The following CNTNAP4 variants were observed in gnomAD, a reference collection of about 807,000 sequenced individuals.
The protein encoded by CNTNAP4 is contactin associated protein family member 4.
Under a neutral mutation model 148.4 loss-of-function variants are expected in CNTNAP4, and 98 were observed. The ratio of observed to expected loss-of-function variants is 0.66; its 90% CI spans 0.56 to 0.78. CNTNAP4 has a LOEUF of 0.78. CNTNAP4 is among the 30% of genes least tolerant of loss of function. The pLI is 0.00. For missense variants in CNTNAP4, 1,935 were observed against 1,565.6 expected, an observed-to-expected ratio of 1.24 and a Z score of -3.98; for synonymous variants, 730 against 565.1, an observed-to-expected ratio of 1.29 and a Z score of -4.14.
At chr16:76,351,766 C>G (rs964495855) in intron 2 of CNTNAP4, among the ~76,000 whole-genome samples, 1 of 152,172 alleles carries the variant, frequency 6.6e-6, no homozygotes, top group African/African-American at 2.4e-5. Flanking sequence ...GTGAGCAGCG[C>G]TAGGAAGAGG....
intron 2 of CNTNAP4, among the ~76,000 whole-genome samples, chr16:76,317,991 G>A (rs1003455767): frequency 6.6e-5 from 10 of 152,000 alleles, no homozygotes; most frequent in African/African-American, 2.4e-4. Flanking sequence ...TTCTTTTTGA[G>A]TGACTTGCAG....
chr16:76,340,290 C>T (rs1232226325), intron 2 of CNTNAP4, among the ~76,000 whole-genome samples: 2 of 152,162 alleles, frequency 1.3e-5, no homozygotes, highest in African/African-American at 4.8e-5. Context: ...TATATGCTTA[C>T]CCAAATCCCA....
In CNTNAP4 at chr16:76,277,524, G is replaced by A; in HGVS notation, c.-139G>A. The A allele has an allele frequency of 1.6e-6, 1 of 607,756 alleles. No individual in the cohort carries two copies. Among genetic ancestry groups the A allele is most frequent in the Non-Finnish European group, 2.9e-6 (1 of 341,612 alleles). The allele number at this position is 607,756 out of a possible 1,614,324, so 37.6% of individuals were successfully genotyped here. On this transcript the variant is annotated 5_prime_UTR_variant, in exon 1 of 24. In the 5' UTR this introduces an upstream ATG that the reference lacks. Coordinates refer to ENST00000611870, the MANE Select transcript of CNTNAP4 (RefSeq NM_033401.5). Reference sequence around the variant, plus strand: ...AGGGAAGAAGAAAAGACGGAGGGAGGTGAGGAGGAAGGGAGGGGGAGAGAC... The same window carrying A: ...AGGGAAGAAGAAAAGACGGAGGGAGATGAGGAGGAAGGGAGGGGGAGAGAC...
At chr16:76,464,433 C>T (rs1371092350) in intron 9 of CNTNAP4, among the ~76,000 whole-genome samples, 1 of 152,134 alleles carries the variant, frequency 6.6e-6, no homozygotes, top group African/African-American at 2.4e-5. Flanking sequence ...AACCTCCTTC[C>T]CCCAGTCCTG....
chr16:76,299,298 AC>A (rs1220871373), intron 1 of CNTNAP4, among the ~76,000 whole-genome samples: 2 of 152,226 alleles, frequency 1.3e-5, no homozygotes, highest in African/African-American at 4.8e-5. Flanking sequence ...AAACAAATTT[AC>A]AAGAAAAAAA....
chr16:76,288,157 A>G (rs1261219844), intron 1 of CNTNAP4, among the ~76,000 whole-genome samples: 1 of 151,932 alleles, frequency 6.6e-6, no homozygotes, highest in Admixed American at 6.6e-5. Context: ...GTGAGATATG[A>G]TGGTTTTATA....
chr16:76,372,991 CA>C (rs1229608735), intron 3 of CNTNAP4, among the ~76,000 whole-genome samples: 2 of 152,188 alleles, frequency 1.3e-5, no homozygotes, highest in Admixed American at 6.5e-5. Flanking sequence ...AAACACTTTT[CA>C]TGATTACTTC....
chr16:76,418,383 T>C (rs1388138187), intron 3 of CNTNAP4, among the ~76,000 whole-genome samples: 1 of 144,018 alleles, frequency 6.9e-6, no homozygotes, highest in Admixed American at 7.1e-5. Flanking sequence ...AATTTGTATC[T>C]TCTTTTCTTT....
chr16:76,371,587 T>C (rs1410460492), intron 3 of CNTNAP4, among the ~76,000 whole-genome samples: 2 of 152,196 alleles, frequency 1.3e-5, no homozygotes, highest in African/African-American at 4.8e-5. Context: ...ACCTGGCCTG[T>C]TGTCACTTCT....
At chr16:76,449,658 A>G (rs1007188661) in intron 6 of CNTNAP4, 57 bp from the exon 7 acceptor site, 2 of 1,402,918 alleles carry the variant, frequency 1.4e-6, no homozygotes, top group East Asian at 2.6e-5. Flanking sequence ...AATCATAATT[A>G]AGCAGATTTT....
intron 1 of CNTNAP4, among the ~76,000 whole-genome samples, chr16:76,284,917 T>C (rs1958822448): frequency 1.3e-5 from 2 of 152,202 alleles, no homozygotes; most frequent in Admixed American, 6.5e-5. Flanking sequence ...CAAGCAAAGA[T>C]ACTTTTGTTT....
intron 2 of CNTNAP4, among the ~76,000 whole-genome samples, chr16:76,322,178 C>T (rs1274478264): frequency 6.6e-6 from 1 of 152,158 alleles, no homozygotes; most frequent in Non-Finnish European, 1.5e-5. Flanking sequence ...TGCAAGAGTC[C>T]CCTGCCTTCC....
chr16:76,277,719 T>G lies in CNTNAP4; in HGVS notation c.57T>G (p.Asn19Lys), dbSNP rs1958531884. 5 of 1,604,232 alleles carry G rather than the reference T, an allele frequency of 3.1e-6. No homozygotes were observed. The highest frequency in any genetic ancestry group is 4.3e-6 in the Non-Finnish European group (5 of 1,174,658). Residue 19 changes from asparagine to lysine, a missense_variant, in exon 1 of 24, where the codon AAT (asparagine) becomes AAG (lysine). Transcript: ENST00000611870. ...LKTLLLLSTQ[N>K]WNRVEAGNSY... ...CGCTACTTCTGTTATCTACTCAAAA[T>G]TGGAACAGAGTCGAAGCTGGGAATT...
chr16:76,362,168 A>T lies in CNTNAP4; in HGVS notation c.390+6657A>T, dbSNP rs182336731. Among the ~76,000 whole-genome samples the T allele has an allele frequency of 2.9e-3, 441 of 152,306 alleles. 2 individuals carry two copies. Among genetic ancestry groups the T allele is most frequent in the African/African-American group, 9.8e-3 (407 of 41,584 alleles). The stretch of plus-strand genomic sequence containing the variant: ...CTCATTTAGAATAGTATCAAAAAGA[A>T]TAACATACTTAGGAATAAACTTTAC... On this transcript the variant is annotated intron_variant, in intron 3 of 23. Transcript: ENST00000611870.
intron 15 of CNTNAP4, 76 bp downstream of exon 15, chr16:76,498,770 G>T: frequency 7.3e-7 from 1 of 1,371,226 alleles, no homozygotes; most frequent in Non-Finnish European, 9.7e-7. Context: ...TAAGCATCAC[G>T]TTTCTATCAT....
At chr16:76,417,241 T>C (rs2079022037) in intron 3 of CNTNAP4, among the ~76,000 whole-genome samples, 1 of 151,468 alleles carries the variant, frequency 6.6e-6, no homozygotes, top group African/African-American at 2.4e-5. Context: ...TGTATCATGC[T>C]TTTAACTGTT....
At chr16:76,363,870 G>C (rs2013755644) in intron 3 of CNTNAP4, among the ~76,000 whole-genome samples, 1 of 152,038 alleles carries the variant, frequency 6.6e-6, no homozygotes, top group South Asian at 2.1e-4. Flanking sequence ...TTGCATCTGT[G>C]CACATTCTAT....
intron 12 of CNTNAP4, among the ~76,000 whole-genome samples, chr16:76,485,439 A>G (rs1441173049): frequency 1.3e-5 from 2 of 152,190 alleles, no homozygotes; most frequent in African/African-American, 4.8e-5. Flanking sequence ...TCTATAATGA[A>G]ATTGTTTTAT....
chr16:76,473,439 A>C (rs1408342853), intron 10 of CNTNAP4, among the ~76,000 whole-genome samples: 2 of 152,046 alleles, frequency 1.3e-5, no homozygotes, highest in African/African-American at 4.8e-5. Context: ...TATTGTTTTT[A>C]GTTAAAATTG....
Sources: gnomAD v4.1 joint callset for allele counts (sites outside exome capture counted in the v4.1 genomes callset) on GRCh38, gnomAD v4.1.1 for gene constraint, MANE v1.5 for transcripts, NCBI Gene and HGNC (gene_info 2026-07-23, HGNC 2026-07-21) for gene names.